Variants in TTC21B observed in about 807,000 individuals in gnomAD.
The protein encoded by TTC21B is tetratricopeptide repeat domain 21B.
TTC21B carries 127 observed loss-of-function variants against 175.1 expected under a neutral mutation model. That is an observed-to-expected ratio of 0.73 (90% CI 0.63 to 0.84). TTC21B has a LOEUF of 0.84. Among genes scored for constraint, TTC21B ranks in the 40% least tolerant of loss-of-function variants. TTC21B has a pLI of 0.00. For missense variants in TTC21B, 1,561 were observed against 1,558.3 expected (o/e 1.00, Z -0.03); for synonymous variants, 524 against 524.5 (o/e 1.00, Z 0.01).
chr2:165,938,348 G>A (rs1687238659), intron 6 of TTC21B, among the ~76,000 whole-genome samples: 1 of 151,954 alleles, frequency 6.6e-6, no homozygotes, highest in Non-Finnish European at 1.5e-5. Context: ...AAGAAAGAAT[G>A]ACAGAATTCA....
At chr2:165,905,294 GA>G (rs1685690039) in intron 19 of TTC21B, among the ~76,000 whole-genome samples, 1 of 151,726 alleles carries the variant, frequency 6.6e-6, no homozygotes, top group African/African-American at 2.4e-5. Flanking sequence ...AGAAAATTTA[GA>G]AAAAAACAGA....
In TTC21B at chr2:165,930,213, G is replaced by A. The variant is rs753999114; in HGVS notation, c.1046C>T (p.Thr349Ile). 1 of 1,613,268 alleles carries A rather than the reference G, an allele frequency of 6.2e-7. No individual in the cohort carries two copies. Among genetic ancestry groups the A allele is most frequent in the Non-Finnish European group, 8.5e-7 (1 of 1,179,458 alleles). The change falls in exon 9 of 29, where the codon ACC (threonine) becomes ATC (isoleucine). Residue 349 changes from threonine to isoleucine, a missense_variant. By Grantham distance (89) the Thr-to-Ile change is moderately conservative. Coordinates refer to ENST00000243344, the MANE Select transcript of TTC21B (RefSeq NM_024753.5). ...RVKEALKWYK[T>I]AMTLDETSVS... ...ACTAGTCTCATCAAGTGTCATGGCG[G>A]TCTTATACCACTTCAGTGCCTCTTT...
In TTC21B at chr2:165,913,618, G is replaced by A. The variant is rs201500142; in HGVS notation, c.2167C>T (p.Arg723Trp). The change falls in exon 16 of 29, where the codon CGG becomes TGG. Residue 723 changes from arginine (R) to tryptophan (W), a missense_variant. Arg to Trp is a moderately radical substitution (Grantham distance 101, BLOSUM62 -3). Coordinates refer to ENST00000243344, the MANE Select transcript of TTC21B (RefSeq NM_024753.5). Reference sequence around the variant, plus strand: ...GCATCACCAAGGAGAAGAAAAGACCGAGGGTTAGCCATTCTTTCAGCAATT... The same window carrying A: ...GCATCACCAAGGAGAAGAAAAGACCAAGGGTTAGCCATTCTTTCAGCAATT... Reference protein sequence around the residue: ...REIAERMANPRSFLLLGDAYM... With the variant: ...REIAERMANPWSFLLLGDAYM... The A allele has an allele frequency of 1.6e-5, 25 of 1,612,780 alleles. No individual in the cohort carries two copies. The highest frequency in any genetic ancestry group is 2.2e-5 in the East Asian group (1 of 44,792).
At chr2:165,912,713 A>G (rs772120888) in intron 16 of TTC21B, 89 bp from the exon 17 acceptor site, 23 of 933,520 alleles carry the variant, frequency 2.5e-5, no homozygotes, top group Non-Finnish European at 4.1e-5. Flanking sequence ...TAATCTCTAC[A>G]TTTGTAATAT....
At position 165,897,360 on chromosome 2, in the gene TTC21B, A is replaced by G. The variant is rs932095992; in HGVS notation, c.2950+1326T>C. Among the ~76,000 whole-genome samples the G allele has an allele frequency of 2.0e-4, 30 of 152,160 alleles. 1 individual carries two copies. The highest frequency in any genetic ancestry group is 1.5e-5 in the Non-Finnish European group (1 of 68,028). ...TAAAAAGTGATGGCATTCTAGGTAT[A>G]CTTTGAATGTAGCACTAACAAGGAT... On this transcript the variant is annotated intron_variant, in intron 22 of 28. Coordinates refer to ENST00000243344, the MANE Select transcript of TTC21B (RefSeq NM_024753.5).
intron 18 of TTC21B, among the ~76,000 whole-genome samples, chr2:165,910,811 A>G (rs575110094): frequency 3.9e-5 from 6 of 152,024 alleles, no homozygotes; most frequent in African/African-American, 1.4e-4. Flanking sequence ...GTATGTGGAA[A>G]AAATTGCAGA....
At chr2:165,878,959 G>T (rs1043843655) in intron 27 of TTC21B, among the ~76,000 whole-genome samples, 1 of 152,102 alleles carries the variant, frequency 6.6e-6, no homozygotes, top group African/African-American at 2.4e-5. Context: ...TGGGATTACA[G>T]GTGTGAGCCA....
At chr2:165,901,949 AGG>A in intron 19 of TTC21B, 39 bp from the exon 20 acceptor site, 1 of 1,459,326 alleles carries the variant, frequency 6.9e-7, no homozygotes, top group African/African-American at 1.4e-5. Context: ...AAAAAAAAAA[AGG>A]AAATTAAATT....
intron 11 of TTC21B, among the ~76,000 whole-genome samples, chr2:165,928,135 TA>T (rs1370676406): frequency 6.6e-6 from 1 of 152,126 alleles, no homozygotes; most frequent in Admixed American, 6.6e-5. Flanking sequence ...AACATTATAG[TA>T]ATAGTTATCT....
chr2:165,901,440 C>A (rs1685555196), intron 20 of TTC21B, among the ~76,000 whole-genome samples: 1 of 152,082 alleles, frequency 6.6e-6, no homozygotes, highest in African/African-American at 2.4e-5. Flanking sequence ...CCTGCCTTAG[C>A]CTCCCAAGTA....
At chr2:165,902,001 T>A in intron 19 of TTC21B, 91 bp from the exon 20 acceptor site, 2 of 1,131,836 alleles carry the variant, frequency 1.8e-6, no homozygotes, top group Non-Finnish European at 2.6e-6. Flanking sequence ...CAGATTTATT[T>A]AAACATTATG....
intron 28 of TTC21B, among the ~76,000 whole-genome samples, chr2:165,875,700 C>T (rs559069572): frequency 1.2e-4 from 18 of 152,204 alleles, no homozygotes; most frequent in African/African-American, 3.4e-4. Context: ...GATTCAGACA[C>T]ATTCACAAGA....
chr2:165,909,115 T>C (rs962415944), intron 18 of TTC21B, among the ~76,000 whole-genome samples: 1 of 152,088 alleles, frequency 6.6e-6, no homozygotes, highest in Non-Finnish European at 1.5e-5. Context: ...AAGATTCCTA[T>C]AATCAGAGCA....
Position 165,929,655 on chromosome 2 carries a change from A to G in TTC21B, c.1180T>C (p.Ser394Pro). The G allele has an allele frequency of 6.2e-7, 1 of 1,609,668 alleles. No homozygotes were observed. Among genetic ancestry groups the G allele is most frequent in the Non-Finnish European group, 8.5e-7 (1 of 1,176,448 alleles). The part of the protein sequence containing the change: ...LNEIQQSIGK[S>P]AELIYLHAVL... ...GATAAAATAAAATACTGTACCGCAGATTTTCCAATGGATTGCTGGATTTCA... is the reference window on the plus strand; with the variant it reads ...GATAAAATAAAATACTGTACCGCAGGTTTTCCAATGGATTGCTGGATTTCA... The change falls in exon 10 of 29, where the codon TCT (serine) becomes CCT (proline). Residue 394 changes from serine to proline, a missense_variant. Transcript: ENST00000243344.
rs767202845 is a variant in TTC21B, at chr2:165,874,773, A to T, written c.3933T>A (p.Arg1311=). 2 of 1,613,584 alleles carry T rather than the reference A, an allele frequency of 1.2e-6. No homozygotes were observed. Among genetic ancestry groups the T allele is most frequent in the Non-Finnish European group, 1.7e-6 (2 of 1,179,758 alleles). The part of the protein sequence containing the change: ...KIRKDILDKA[R]ASLRP Reference sequence around the variant, plus strand: ...ATTATTTTCAAGGTCTTAAAGACGCACGGGCCTTATCAAGTATATCCTTTC... The same window carrying T: ...ATTATTTTCAAGGTCTTAAAGACGCTCGGGCCTTATCAAGTATATCCTTTC... Residue 1311 remains arginine (R), a synonymous_variant, in exon 29 of 29, where the codon CGT becomes CGA. Transcript: ENST00000243344.
intron 12 of TTC21B, among the ~76,000 whole-genome samples, chr2:165,921,514 C>T (rs1278216123): frequency 6.6e-6 from 1 of 152,160 alleles, no homozygotes; most frequent in Non-Finnish European, 1.5e-5. Flanking sequence ...CTAGTGCTTT[C>T]TTGAATTCTG....
chr2:165,906,402 CTGAT>C (rs1685734558), intron 19 of TTC21B, among the ~76,000 whole-genome samples: 3 of 151,494 alleles, frequency 2.0e-5, no homozygotes, highest in South Asian at 2.1e-4. Context: ...CCTAGCATAA[CTGAT>C]TATTAAAGAA....
At chr2:165,943,606 T>G (rs1204617005) in intron 4 of TTC21B, among the ~76,000 whole-genome samples, 1 of 152,186 alleles carries the variant, frequency 6.6e-6, no homozygotes, top group East Asian at 1.9e-4. Context: ...TCCATTAGTG[T>G]TAAAACCATT....
intron 25 of TTC21B, among the ~76,000 whole-genome samples, chr2:165,886,334 A>G (rs1204647173): frequency 6.6e-6 from 1 of 152,194 alleles, no homozygotes; most frequent in African/African-American, 2.4e-5. Context: ...TTTGCTTTGT[A>G]TTAAGTCATC....
Sources: allele counts gnomAD v4.1 joint callset (sites outside exome capture counted in the v4.1 genomes callset), GRCh38; gene constraint gnomAD v4.1.1; transcripts MANE v1.5; gene names NCBI Gene and HGNC (gene_info 2026-07-23, HGNC 2026-07-21).